The following PPARA variants were observed in gnomAD, a reference collection of about 807,000 sequenced individuals.
PPARA encodes the protein peroxisome proliferator activated receptor alpha, also known as peroxisome proliferator-activated receptor alpha.
In PPARA, 22 loss-of-function variants were observed where a neutral mutation model predicts 42.2. The ratio of observed to expected loss-of-function variants is 0.52; its 90% CI spans 0.37 to 0.74. PPARA has a LOEUF of 0.74. Among genes scored for constraint, PPARA ranks in the 30% least tolerant of loss-of-function variants. PPARA has a pLI of 0.00. For synonymous variants in PPARA, 242 were observed against 239.3 expected (o/e 1.01, Z -0.10); for missense variants, 465 against 608.2 (o/e 0.76, Z 2.48).
At chr22:46,217,602 T>C in intron 5 of PPARA, among the ~76,000 whole-genome samples, 1 of 152,140 alleles carries the variant, frequency 6.6e-6, no homozygotes, top group Non-Finnish European at 1.5e-5. Flanking sequence ...AATATGGAAA[T>C]GTCACAATGC....
rs1426647627 is a variant in PPARA, at chr22:46,236,170, C to T, written c.*790C>T. ...GCTGAGGCAGGAGAATTGCTTGAAC[C>T]AGGGAGTTGGAGGTTGCAGTGAGCT... On this transcript the variant is annotated 3_prime_UTR_variant, in exon 9 of 9. Coordinates refer to ENST00000407236, the MANE Select transcript of PPARA (RefSeq NM_005036.6). The surrounding 1 kb of genome is among the most constrained non-coding windows in gnomAD (Gnocchi z 5.2). 2.0e-5 allele frequency: 3 copies of T among 152,804 alleles called. No individual in the cohort carries two copies. The highest frequency in any genetic ancestry group is 4.4e-5 in the Non-Finnish European group (3 of 68,382). 9.5% of individuals were successfully genotyped at this position (152,804 alleles called of 1,614,324 possible).
In PPARA at chr22:46,224,695, C is replaced by T. The variant is rs1448338498; in HGVS notation, c.711+4681C>T. 2.6e-5 allele frequency among the ~76,000 whole-genome samples: 4 copies of T among 152,146 alleles called. No homozygotes were observed. Among genetic ancestry groups the T allele is most frequent in the Non-Finnish European group, 5.9e-5 (4 of 68,036 alleles). ...AGTAAACTAATGGATTCATACGAAC[C>T]GTAATGAACGTGGGCTGTGTGCTGG... On this transcript the variant is annotated intron_variant, in intron 7 of 8. Coordinates refer to ENST00000407236, the MANE Select transcript of PPARA (RefSeq NM_005036.6). The surrounding 1 kb of genome is among the most constrained non-coding windows in gnomAD (Gnocchi z 5.7).
chr22:46,213,448 G>C (rs551636649), intron 4 of PPARA, among the ~76,000 whole-genome samples: 5 of 139,348 alleles, frequency 3.6e-5, no homozygotes, highest in African/African-American at 1.1e-4. Flanking sequence ...TTGCTCTGTC[G>C]CCAGGCTGGA....
intron 2 of PPARA, among the ~76,000 whole-genome samples, chr22:46,174,554 C>G (rs1368944589): frequency 6.6e-6 from 1 of 151,950 alleles, no homozygotes; most frequent in Non-Finnish European, 1.5e-5. Flanking sequence ...TAGTAACTCA[C>G]TCCTGTAATC....
Position 46,182,783 on chromosome 22 carries a change from C to T in PPARA, c.-43+5947C>T, listed in dbSNP as rs773412474. On this transcript the variant is annotated intron_variant, in intron 3 of 8. Transcript: ENST00000407236. This position sits in a 1 kb window ranked among gnomAD's most constrained non-coding sequence, Gnocchi z 5.2. ...TTTTTGAGACAGAGTCTCGCTCCAT[C>T]GTCCAGGCTGGAGTGCAATGGCACC... Among the ~76,000 whole-genome samples the T allele has an allele frequency of 3.9e-5, 6 of 152,148 alleles. No homozygotes were observed. The highest frequency in any genetic ancestry group is 8.8e-5 in the Non-Finnish European group (6 of 68,030).
At position 46,241,621 on chromosome 22, in the gene PPARA, C is replaced by A. The variant is rs1317465460; in HGVS notation, c.*6241C>A. The A allele has an allele frequency of 6.6e-6, 1 of 152,140 alleles. No individual in the cohort carries two copies. The highest frequency in any genetic ancestry group is 2.4e-5 in the African/African-American group (1 of 41,410). The allele number at this position is 152,140 out of a possible 1,614,324, so 9.4% of individuals were successfully genotyped here. On this transcript the variant is annotated 3_prime_UTR_variant, in exon 9 of 9. Coordinates refer to ENST00000407236, the MANE Select transcript of PPARA (RefSeq NM_005036.6). This position sits in a 1 kb window ranked among gnomAD's most constrained non-coding sequence, Gnocchi z 5.7. Reference sequence around the variant, plus strand: ...CTCTGGACATCTGAGGACGTCCCGGCAGATCTGGAATGGGGCCCTCAACTG... The same window carrying A: ...CTCTGGACATCTGAGGACGTCCCGGAAGATCTGGAATGGGGCCCTCAACTG...
Position 46,216,019 on chromosome 22 carries a change from A to G in PPARA, c.369+686A>G, listed in dbSNP as rs1042065806. ...CAAAAAGGTTGGGGATTGCTGCTTT[A>G]GAGAGTCTAGGACAAATGGTTCCTC... On this transcript the variant is annotated intron_variant, in intron 5 of 8. Coordinates refer to ENST00000407236, the MANE Select transcript of PPARA (RefSeq NM_005036.6). The surrounding 1 kb of genome is among the most constrained non-coding windows in gnomAD (Gnocchi z 4.5). 6.6e-6 allele frequency among the ~76,000 whole-genome samples: 1 copy of G among 152,206 alleles called. No individual in the cohort carries two copies. The highest frequency in any genetic ancestry group is 1.5e-5 in the Non-Finnish European group (1 of 68,044).
intron 4 of PPARA, among the ~76,000 whole-genome samples, chr22:46,207,227 CAA>C (rs894768710): frequency 2.4e-5 from 3 of 123,616 alleles, no homozygotes; most frequent in African/African-American, 8.9e-5. Flanking sequence ...CATCCCCCTG[CAA>C]AAAAAAAGAA....
chr22:46,198,797 A>T (rs1013412152), intron 4 of PPARA, among the ~76,000 whole-genome samples: 4 of 151,358 alleles, frequency 2.6e-5, no homozygotes, highest in African/African-American at 9.7e-5. Context: ...AGTAGCTGGG[A>T]CTACAGGTGC....
intron 4 of PPARA, among the ~76,000 whole-genome samples, chr22:46,208,084 G>A (rs1382418981): frequency 6.6e-6 from 1 of 151,856 alleles, no homozygotes; most frequent in Non-Finnish European, 1.5e-5. Context: ...TCTTTATCTG[G>A]TTGCTTTAAC....
rs944570375 is a variant in PPARA, at chr22:46,195,133, C to T, written c.-42-3209C>T. Among the ~76,000 whole-genome samples the T allele has an allele frequency of 4.6e-5, 7 of 151,560 alleles. No homozygotes were observed. The highest frequency in any genetic ancestry group is 1.7e-4 in the African/African-American group (7 of 41,210). On this transcript the variant is annotated intron_variant, in intron 3 of 8. Transcript: ENST00000407236. This position sits in a 1 kb window ranked among gnomAD's most constrained non-coding sequence, Gnocchi z 4.6. ...GGCCAGGCTGGTTTCGAACTCCTGA[C>T]CTTAAGTGATCTGCCCGCCTCAGCC...
At position 46,195,997 on chromosome 22, in the gene PPARA, G is replaced by A. The variant is rs952078079; in HGVS notation, c.-42-2345G>A. ...GGGCGGTTCAGGCAGGTGGCACCTG[G>A]GCAAAGGTGCAGACGTGGAATCCTG... On this transcript the variant is annotated intron_variant, in intron 3 of 8. Transcript: ENST00000407236. This position sits in a 1 kb window ranked among gnomAD's most constrained non-coding sequence, Gnocchi z 4.6. Among the ~76,000 whole-genome samples, 1 of 152,202 alleles carries A rather than the reference G, an allele frequency of 6.6e-6. No individual in the cohort carries two copies. The highest frequency in any genetic ancestry group is 1.5e-5 in the Non-Finnish European group (1 of 68,036).
chr22:46,225,628 AAC>A lies in PPARA; in HGVS notation c.711+5619_711+5620del, dbSNP rs1935359165. The stretch of plus-strand genomic sequence containing the variant: ...ACATCCATGCATGCATGTGTACACA[AAC>A]ACACCCACACATACACATGCACCCA... On this transcript the variant is annotated intron_variant, in intron 7 of 8. Coordinates refer to ENST00000407236, the MANE Select transcript of PPARA (RefSeq NM_005036.6). This position sits in a 1 kb window ranked among gnomAD's most constrained non-coding sequence, Gnocchi z 4.1. 7.1e-6 allele frequency among the ~76,000 whole-genome samples: 1 copy of A among 141,238 alleles called. No homozygotes were observed. The highest frequency in any genetic ancestry group is 1.5e-5 in the Non-Finnish European group (1 of 64,590). 92.7% of individuals were successfully genotyped at this position (141,238 alleles called of 152,430 possible).
intron 4 of PPARA, among the ~76,000 whole-genome samples, chr22:46,202,959 GA>G (rs1251004347): frequency 2.0e-5 from 3 of 151,588 alleles, no homozygotes; most frequent in South Asian, 4.2e-4. Flanking sequence ...ATGGCACAAA[GA>G]AAAAAAAGGG....
At chr22:46,169,549 T>G (rs188480153) in intron 2 of PPARA, among the ~76,000 whole-genome samples, 1 of 152,018 alleles carries the variant, frequency 6.6e-6, no homozygotes, top group African/African-American at 2.4e-5. Context: ...TGCAAGATGT[T>G]AATAACAGGG....
In PPARA at chr22:46,184,088, A is replaced by G. The variant is rs943879766; in HGVS notation, c.-43+7252A>G. ...TATTTATGACAGTGCCTGGCATAGGATAAGGGCTCAAAAAGTGTTAGCTGG... is the reference window on the plus strand; with the variant it reads ...TATTTATGACAGTGCCTGGCATAGGGTAAGGGCTCAAAAAGTGTTAGCTGG... On this transcript the variant is annotated intron_variant, in intron 3 of 8. Transcript: ENST00000407236. The surrounding 1 kb of genome is among the most constrained non-coding windows in gnomAD (Gnocchi z 4.4). 6.6e-6 allele frequency among the ~76,000 whole-genome samples: 1 copy of G among 152,190 alleles called. No homozygotes were observed. The highest frequency in any genetic ancestry group is 6.5e-5 in the Admixed American group (1 of 15,276).
chr22:46,186,183 C>T (rs138067398), intron 3 of PPARA, among the ~76,000 whole-genome samples: 36 of 151,550 alleles, frequency 2.4e-4, no homozygotes, highest in East Asian at 5.9e-4. Context: ...ATTCATAGAC[C>T]GGATGCCATC....
Position 46,198,368 on chromosome 22 carries a change from G to A in PPARA, c.-16G>A, listed in dbSNP as rs1234429627. 6.2e-7 allele frequency: 1 copy of A among 1,611,832 alleles called. No homozygotes were observed. Among genetic ancestry groups the A allele is most frequent in the Non-Finnish European group, 8.5e-7 (1 of 1,178,430 alleles). The stretch of plus-strand genomic sequence containing the variant: ...AGCTTGGAGCTCGGCGGCACAACCA[G>A]CACCATCTGGTCGCGATGGTGGACA... On this transcript the variant is annotated 5_prime_UTR_variant, in exon 4 of 9. Coordinates refer to ENST00000407236, the MANE Select transcript of PPARA (RefSeq NM_005036.6).
chr22:46,205,556 T>A (rs376933092), intron 4 of PPARA, among the ~76,000 whole-genome samples: 169 of 29,852 alleles, frequency 5.7e-3, no homozygotes, highest in African/African-American at 7.9e-3. Context: ...ATATATATAT[T>A]TTTTTTTTTT....
Sources: gnomAD v4.1 joint callset for allele counts (sites outside exome capture counted in the v4.1 genomes callset) on GRCh38, gnomAD v4.1.1 for gene constraint, Gnocchi (gnomAD v3.1) non-coding constraint, MANE v1.5 for transcripts, NCBI Gene and HGNC (gene_info 2026-07-23, HGNC 2026-07-21) for gene names.